The following ADGRF3 variants were observed in gnomAD, a reference collection of about 807,000 sequenced individuals.
ADGRF3 encodes the protein adhesion G protein-coupled receptor F3.
In ADGRF3, 85 loss-of-function variants were observed where a neutral mutation model predicts 93.2. That is an observed-to-expected ratio of 0.91 (90% CI 0.77 to 1.09). The LOEUF (loss-of-function observed/expected upper bound fraction) is 1.09. ADGRF3 is among the 50% of genes least tolerant of loss of function. ADGRF3 has a pLI of 0.00. For missense variants in ADGRF3, 1,125 were observed against 1,246.2 expected, an observed-to-expected ratio of 0.90 and a Z score of 1.46; for synonymous variants, 534 against 532.5, an observed-to-expected ratio of 1.00 and a Z score of -0.04.
chr2:26,346,122 T>C lies in ADGRF3; in HGVS notation c.113A>G (p.Lys38Arg). The change falls in exon 1 of 14, where the codon AAG becomes AGG. Residue 38 changes from lysine (K) to arginine (R), a missense_variant and splice_region_variant. Coordinates refer to ENST00000651242, the MANE Select transcript of ADGRF3 (RefSeq NM_001321971.2). ...GTGGGCGGAGCGCGGCTCTCCTACC[T>C]TCTCGGGCAGCCCAGTCTTTGCCAT... ...ARMAKTGLPE[K>R]GQSQAGGESG... The C allele has an allele frequency of 1.3e-6, 2 of 1,586,638 alleles. No individual in the cohort carries two copies. The highest frequency in any genetic ancestry group is 1.3e-5 in the African/African-American group (1 of 74,314).
At chr2:26,314,051 G>A in intron 6 of ADGRF3, 148 bp from the exon 7 acceptor site, 1 of 1,017,260 alleles carries the variant, frequency 9.8e-7, no homozygotes, top group Non-Finnish European at 1.4e-6. Flanking sequence ...GGCTCCACTT[G>A]GACAGAGGAA....
At position 26,311,866 on chromosome 2, in the gene ADGRF3, G is replaced by T; in HGVS notation, c.1658C>A (p.Ala553Asp). ...QSQLFGPTFP[A>D]DYSISFPTRP... ...AGTAGGGAAGGAGATGCTGTAGTCA[G>T]CAGGAAACGTGGGTCCAAACAGCTG... Residue 553 changes from alanine (A) to aspartate (D), a missense_variant, in exon 10 of 14, where the codon GCT becomes GAT. Transcript: ENST00000651242. The T allele has an allele frequency of 6.2e-7, 1 of 1,613,932 alleles. No individual in the cohort carries two copies. Among genetic ancestry groups the T allele is most frequent in the Non-Finnish European group, 8.5e-7 (1 of 1,179,852 alleles).
intron 2 of ADGRF3, 41 bp from the exon 3 acceptor site, chr2:26,317,096 A>G (rs1285353684): frequency 1.3e-6 from 2 of 1,561,868 alleles, no homozygotes; most frequent in South Asian, 1.2e-5. Flanking sequence ...ACAGGCAGCG[A>G]GGCCACAAGC....
At chr2:26,342,721 T>G (rs910750082) in intron 1 of ADGRF3, among the ~76,000 whole-genome samples, 2 of 152,210 alleles carry the variant, frequency 1.3e-5, no homozygotes, top group African/African-American at 4.8e-5. Flanking sequence ...CACTCAGGAA[T>G]GTGGCGTGTA....
chr2:26,313,743 C>T lies in ADGRF3; in HGVS notation c.1072+17G>A, dbSNP rs1375035680. ...AAGCAGCTGGGACCAGCCCACTGGG[C>T]CCCAGGCCCTGCGTACCCTGGATGA... On this transcript the variant is annotated intron_variant, in intron 7 of 13. Transcript: ENST00000651242. 7 of 1,612,908 alleles carry T rather than the reference C, an allele frequency of 4.3e-6. No individual in the cohort carries two copies. The African/African-American group carries it at 8.0e-5, about 18-fold the overall frequency.
intron 10 of ADGRF3, 87 bp downstream of exon 10, chr2:26,310,605 C>A: frequency 7.3e-7 from 1 of 1,369,988 alleles, no homozygotes; most frequent in South Asian, 1.4e-5. Flanking sequence ...TTCTTCTGCT[C>A]CACCTTGGTA....
At chr2:26,317,616 G>A (rs1303537666) in intron 1 of ADGRF3, 54 bp from the exon 2 acceptor site, 4 of 1,497,694 alleles carry the variant, frequency 2.7e-6, no homozygotes, top group Non-Finnish European at 3.6e-6. Flanking sequence ...GCACCCCAGG[G>A]GCCAGCCTGA....
intron 1 of ADGRF3, among the ~76,000 whole-genome samples, chr2:26,331,406 T>C (rs971486977): frequency 1.3e-5 from 2 of 152,036 alleles, no homozygotes; most frequent in East Asian, 3.9e-4. Flanking sequence ...AAAAATTAGC[T>C]GGGCGGGGTG....
intron 1 of ADGRF3, among the ~76,000 whole-genome samples, chr2:26,336,492 G>T (rs1015620522): frequency 6.6e-6 from 1 of 151,858 alleles, no homozygotes; most frequent in Non-Finnish European, 1.5e-5. Context: ...TTGGGAGACC[G>T]AGATGGGTGA....
rs560878254 is a variant in ADGRF3, at chr2:26,345,946, T to A, written c.114+175A>T. The A allele has an allele frequency of 9.5e-6, 6 of 629,498 alleles. No homozygotes were observed. In the Admixed American group the frequency reaches 1.2e-4, roughly 13 times the overall value. 39.0% of individuals were successfully genotyped at this position (629,498 alleles called of 1,614,324 possible). A position where few individuals can be genotyped will look rare whatever the true frequency, so the allele number is the denominator to read the frequency against. ...AGAGCTGGAAGGCGGGACTTAGTGT[T>A]GCCTGATCCACGCCGATTGGACAAC... On this transcript the variant is annotated intron_variant, in intron 1 of 13. Transcript: ENST00000651242.
At chr2:26,341,887 C>G (rs1676415885) in intron 1 of ADGRF3, among the ~76,000 whole-genome samples, 1 of 151,986 alleles carries the variant, frequency 6.6e-6, no homozygotes, top group African/African-American at 2.4e-5. Context: ...TCCTGGCCAA[C>G]ACGGTGAAAC....
In ADGRF3 at chr2:26,310,947, G is replaced by C. The variant is rs550514967; in HGVS notation, c.2577C>G (p.Tyr859Ter). The C allele has an allele frequency of 1.2e-6, 2 of 1,613,738 alleles. No homozygotes were observed. The highest frequency in any genetic ancestry group is 2.2e-5 in the South Asian group (2 of 91,028). Residue 859 changes from tyrosine to a stop codon, truncating the protein, a stop_gained, in exon 10 of 14, where the codon TAC becomes TAG. Coordinates refer to ENST00000651242, the MANE Select transcript of ADGRF3 (RefSeq NM_001321971.2). LOFTEE classifies it high-confidence loss of function. ...CWLDGKGGAL[Y>*]TFVGPVLAII... ...TGGCCAGCACTGGCCCCACGAAGGT[G>C]TATAACGCCCCTCCCTTCCCATCCA... is the stretch of plus-strand genomic sequence containing the variant.
intron 1 of ADGRF3, among the ~76,000 whole-genome samples, chr2:26,341,694 C>T (rs954810867): frequency 6.6e-6 from 1 of 152,062 alleles, no homozygotes; most frequent in Non-Finnish European, 1.5e-5. Flanking sequence ...GACAGGGTCT[C>T]CCTATGTTGC....
rs746813293 is a variant in ADGRF3, at chr2:26,311,854, A to G, written c.1670T>C (p.Ile557Thr). The G allele has an allele frequency of 6.8e-6, 11 of 1,613,692 alleles. No homozygotes were observed. In the Admixed American group the frequency reaches 1.8e-4, roughly 27 times the overall value. ...FGPTFPADYS[I>T]SFPTRPPLQA... is the part of the protein sequence containing the mutation. ...CAGTGGGGGCCGAGTAGGGAAGGAG[A>G]TGCTGTAGTCAGCAGGAAACGTGGG... is the stretch of plus-strand genomic sequence containing the variant. Residue 557 changes from isoleucine to threonine, a missense_variant, in exon 10 of 14, where the codon ATC becomes ACC. Ile to Thr is a moderately conservative substitution (Grantham distance 89, BLOSUM62 -1). Coordinates refer to ENST00000651242, the MANE Select transcript of ADGRF3 (RefSeq NM_001321971.2).
rs376064848 is a variant in ADGRF3 at position 26,316,306 on chromosome 2, G to A, written c.468C>T (p.Pro156=). The A allele has an allele frequency of 3.3e-5, 51 of 1,551,658 alleles. No individual in the cohort carries two copies. The highest frequency in any genetic ancestry group is 4.0e-5 in the Non-Finnish European group (46 of 1,146,976). The stretch of plus-strand genomic sequence containing the variant: ...GCAGCAACTGGCAGTACCCGGGTTC[G>A]GGATGGCTGAAGACAAGGCAGCCAC... ...QPCGCLVFSH[P]EPGYCQLLPP... Residue 156 remains proline, a synonymous_variant, in exon 4 of 14, where the codon CCC becomes CCT. Coordinates refer to ENST00000651242, the MANE Select transcript of ADGRF3 (RefSeq NM_001321971.2).
intron 1 of ADGRF3, among the ~76,000 whole-genome samples, chr2:26,340,149 A>G (rs1676290154): frequency 6.6e-6 from 1 of 152,088 alleles, no homozygotes; most frequent in Non-Finnish European, 1.5e-5. Context: ...TGTTTTCTAG[A>G]CTTATAGACA....
At chr2:26,324,240 G>C (rs1675316252) in intron 1 of ADGRF3, among the ~76,000 whole-genome samples, 1 of 152,168 alleles carries the variant, frequency 6.6e-6, no homozygotes, top group African/African-American at 2.4e-5. Context: ...AACAGAGCAA[G>C]ACCCTGTCTC....
intron 1 of ADGRF3, among the ~76,000 whole-genome samples, chr2:26,334,699 C>T (rs987740652): frequency 2.0e-5 from 3 of 152,188 alleles, no homozygotes; most frequent in Non-Finnish European, 4.4e-5. Context: ...ATTCTATTAA[C>T]GCAATGACTT....
At chr2:26,329,162 G>C (rs1675623531) in intron 1 of ADGRF3, among the ~76,000 whole-genome samples, 1 of 152,204 alleles carries the variant, frequency 6.6e-6, no homozygotes, top group Admixed American at 6.5e-5. Flanking sequence ...TTGAGACAGG[G>C]TCTCACTCTG....
Sources: gnomAD v4.1 joint callset for allele counts (sites outside exome capture counted in the v4.1 genomes callset) on GRCh38, gnomAD v4.1.1 for gene constraint, MANE v1.5 for transcripts, NCBI Gene and HGNC (gene_info 2026-07-23, HGNC 2026-07-21) for gene names.